Variants in ASPH observed in about 807,000 individuals in gnomAD.
ASPH encodes aspartate beta-hydroxylase.
Under a neutral mutation model 118.4 loss-of-function variants are expected in ASPH, and 100 were observed. The ratio of observed to expected loss-of-function variants is 0.84; its 90% CI spans 0.72 to 1.00. The LOEUF (loss-of-function observed/expected upper bound fraction) is 1.00. Among genes scored for constraint, ASPH ranks in the 50% least tolerant of loss-of-function variants. The pLI is 0.00. For synonymous variants in ASPH, 315 were observed against 325.6 expected, an observed-to-expected ratio of 0.97 and a Z score of 0.35; for missense variants, 920 against 919.5, an observed-to-expected ratio of 1.00 and a Z score of -0.01.
chr8:61,565,293 GAGTACC>G (rs765170776), intron 17 of ASPH, among the ~76,000 whole-genome samples: 1 of 151,556 alleles, frequency 6.6e-6, no homozygotes, highest in Non-Finnish European at 1.5e-5. Flanking sequence ...ATTTTTTTTA[GAGTACC>G]AGAAACAGCT....
intron 14 of ASPH, among the ~76,000 whole-genome samples, chr8:61,612,545 T>C (rs1847775444): frequency 6.6e-6 from 1 of 152,104 alleles, no homozygotes; most frequent in South Asian, 2.1e-4. Flanking sequence ...CTAATTTTTG[T>C]ATTTTTAGTA....
chr8:61,566,186 GT>G, intron 17 of ASPH, among the ~76,000 whole-genome samples: 1 of 152,232 alleles, frequency 6.6e-6, no homozygotes, highest in East Asian at 1.9e-4. Flanking sequence ...TTATTTAAAT[GT>G]CACAATATAA....
chr8:61,542,327 G>T (rs564726019), intron 21 of ASPH, among the ~76,000 whole-genome samples: 1 of 152,208 alleles, frequency 6.6e-6, no homozygotes, highest in East Asian at 1.9e-4. Flanking sequence ...CTTTACAACA[G>T]ATAGATATTT....
intron 9 of ASPH, among the ~76,000 whole-genome samples, chr8:61,643,126 GCA>G (rs2150974557): frequency 6.6e-6 from 1 of 152,196 alleles, no homozygotes; most frequent in African/African-American, 2.4e-5. Flanking sequence ...TCTCAAATTG[GCA>G]CAGAGGAATT....
intron 14 of ASPH, among the ~76,000 whole-genome samples, chr8:61,602,175 T>G (rs1844179528): frequency 6.6e-6 from 1 of 151,348 alleles, no homozygotes; most frequent in African/African-American, 2.5e-5. Context: ...CTAACTGGTA[T>G]CCCTCATGAA....
rs55796159 is a variant in ASPH, at chr8:61,621,331, A to AAAAAG, written c.935-2317_935-2313dup. ...ATTACTGCAACTTGAGCAAAAAAAA[A>AAAAAG]AAAAGAAAAGAAAAGAAAAGAAAAG... On this transcript the variant is annotated intron_variant, in intron 13 of 24. Coordinates refer to ENST00000379454, the MANE Select transcript of ASPH (RefSeq NM_004318.4). Among the ~76,000 whole-genome samples, 22 of 142,188 alleles carry AAAAAG rather than the reference A, an allele frequency of 1.5e-4. No homozygotes were observed. In the South Asian group the frequency reaches 2.4e-3, roughly 15 times the overall value. 93.3% of individuals were successfully genotyped at this position (142,188 alleles called of 152,430 possible).
At chr8:61,625,906 T>G in intron 13 of ASPH, 1 of 1,038,744 alleles carries the variant, frequency 9.6e-7, no homozygotes, top group Non-Finnish European at 1.2e-6. Context: ...ATGAAAACCC[T>G]GCCAACACAA....
intron 13 of ASPH, chr8:61,626,397 G>C: frequency 7.8e-7 from 1 of 1,278,196 alleles, no homozygotes; most frequent in Non-Finnish European, 1.0e-6. Flanking sequence ...TTTTTTTTTG[G>C]TGTTTGTTTT....
intron 2 of ASPH, among the ~76,000 whole-genome samples, chr8:61,682,000 T>A (rs1408366107): frequency 2.0e-5 from 3 of 151,888 alleles, no homozygotes; most frequent in Admixed American, 6.6e-5. Context: ...TAAAAAAAAA[T>A]TTTGGCAATT....
intron 14 of ASPH, among the ~76,000 whole-genome samples, chr8:61,592,877 G>C (rs1265366008): frequency 6.6e-6 from 1 of 152,110 alleles, no homozygotes; most frequent in East Asian, 1.9e-4. Flanking sequence ...TTGACAGTGA[G>C]GTAAATCTAT....
intron 21 of ASPH, among the ~76,000 whole-genome samples, chr8:61,547,107 T>C (rs1355637853): frequency 2.0e-5 from 3 of 152,190 alleles, no homozygotes; most frequent in African/African-American, 7.2e-5. Flanking sequence ...ATTGGAACTA[T>C]GAGTTAATTA....
At chr8:61,574,018 C>G (rs539757785) in intron 16 of ASPH, among the ~76,000 whole-genome samples, 10 of 152,270 alleles carry the variant, frequency 6.6e-5, no homozygotes, top group Non-Finnish European at 1.3e-4. Flanking sequence ...AAACAAACAA[C>G]CCCATCAAAA....
intron 16 of ASPH, among the ~76,000 whole-genome samples, chr8:61,571,523 T>TA (rs1286479590): frequency 6.6e-6 from 1 of 152,142 alleles, no homozygotes; most frequent in Non-Finnish European, 1.5e-5. Flanking sequence ...AAATAGTTGT[T>TA]ATATTGTATC....
At chr8:61,643,580 A>C (rs1431000912) in intron 8 of ASPH, 147 bp from the exon 9 acceptor site, 1 of 798,122 alleles carries the variant, frequency 1.3e-6, no homozygotes, top group Non-Finnish European at 2.0e-6. Flanking sequence ...AAGCTGAATA[A>C]CGTTCCACAA....
intron 3 of ASPH, among the ~76,000 whole-genome samples, chr8:61,670,752 C>T (rs1288624005): frequency 6.7e-6 from 1 of 149,778 alleles, no homozygotes; most frequent in Non-Finnish European, 1.5e-5. Flanking sequence ...CCAGAGGATG[C>T]AGTGTCTGAA....
At chr8:61,688,167 G>A (rs1831298377) in intron 1 of ASPH, among the ~76,000 whole-genome samples, 1 of 152,112 alleles carries the variant, frequency 6.6e-6, no homozygotes, top group Non-Finnish European at 1.5e-5. Context: ...TATTTGGGAA[G>A]AACATCTAGT....
intron 3 of ASPH, chr8:61,656,752 T>C (rs1162565608): frequency 1.3e-5 from 2 of 152,214 alleles, no homozygotes; most frequent in African/African-American, 4.8e-5. Flanking sequence ...CCTCCAATTT[T>C]AATTAAAATT....
At chr8:61,678,158 T>C (rs10098691) in intron 3 of ASPH, among the ~76,000 whole-genome samples, 59,084 of 151,808 alleles carry the variant, frequency 0.39, 13,642 homozygotes, top group Non-Finnish European at 0.52. Context: ...TCCCTTTTGC[T>C]TTCCACCCAT....
At chr8:61,668,276 C>T (rs1210407652) in intron 3 of ASPH, 1 of 1,605,816 alleles carries the variant, frequency 6.2e-7, no homozygotes, top group South Asian at 1.1e-5. Context: ...CTGGGTCCTT[C>T]TGTTGACATT....
Sources: gnomAD v4.1 joint callset for allele counts (sites outside exome capture counted in the v4.1 genomes callset) on GRCh38, gnomAD v4.1.1 for gene constraint, MANE v1.5 for transcripts, NCBI Gene and HGNC (gene_info 2026-07-23, HGNC 2026-07-21) for gene names.